Variants in QTMAN observed in about 807,000 individuals in gnomAD.
QTMAN encodes queuosine-tRNA mannosyltransferase.
the QTMAN span, among the ~76,000 whole-genome samples, chr2:144,140,869 T>C: frequency 6.6e-6 from 1 of 152,070 alleles, no homozygotes; most frequent in Non-Finnish European, 1.5e-5. Context: ...AATTTTATGA[T>C]TCACTAACTT....
the QTMAN span, among the ~76,000 whole-genome samples, chr2:143,958,782 CTTTTTTTTTTTT>C: frequency 8.8e-6 from 1 of 113,368 alleles, no homozygotes; most frequent in Non-Finnish European, 1.9e-5. Context: ...TTCTTTCTTT[CTTTTTTTTTTTT>C]TTTTTTTTTA....
At chr2:144,182,348 A>G in the QTMAN span, among the ~76,000 whole-genome samples, 9 of 152,012 alleles carry the variant, frequency 5.9e-5, no homozygotes, top group Admixed American at 3.3e-4. Context: ...TCTTTAGAAT[A>G]CCTTAGAAGT....
At chr2:144,292,799 T>A in the QTMAN span, among the ~76,000 whole-genome samples, 1 of 152,316 alleles carries the variant, frequency 6.6e-6, no homozygotes, top group Middle Eastern at 3.4e-3. Context: ...ATGTCTGATT[T>A]ATGGGGAATA....
chr2:144,326,084 C>T, the QTMAN span, among the ~76,000 whole-genome samples: 1 of 152,100 alleles, frequency 6.6e-6, no homozygotes, highest in East Asian at 1.9e-4. Flanking sequence ...TATACAATTA[C>T]TAATGAACAA....
the QTMAN span, among the ~76,000 whole-genome samples, chr2:144,022,438 T>A: frequency 1.1e-4 from 17 of 151,242 alleles, no homozygotes; most frequent in African/African-American, 1.9e-4. Context: ...TGCAGATTCA[T>A]GCCACTATGC....
At chr2:143,972,366 C>T in the QTMAN span, among the ~76,000 whole-genome samples, 4 of 151,912 alleles carry the variant, frequency 2.6e-5, no homozygotes, top group Non-Finnish European at 5.9e-5. Flanking sequence ...CCATTCAGTT[C>T]TCTAAATTTT....
At chr2:143,950,717 C>G in the QTMAN span, among the ~76,000 whole-genome samples, 1 of 151,516 alleles carries the variant, frequency 6.6e-6, no homozygotes, top group African/African-American at 2.4e-5. Context: ...ACATGGGAAA[C>G]TATTTGATTG....
the QTMAN span, among the ~76,000 whole-genome samples, chr2:144,303,107 C>CA: frequency 6.8e-5 from 10 of 148,076 alleles, no homozygotes; most frequent in South Asian, 6.4e-4. Flanking sequence ...AACTCATCTC[C>CA]AAAAAAAAAG....
At chr2:144,209,122 C>T in the QTMAN span, among the ~76,000 whole-genome samples, 1 of 152,234 alleles carries the variant, frequency 6.6e-6, no homozygotes, top group Non-Finnish European at 1.5e-5. Context: ...TGATCACTCA[C>T]TTCCTGGTTT....
the QTMAN span, among the ~76,000 whole-genome samples, chr2:144,146,183 T>C: frequency 6.0e-5 from 9 of 149,516 alleles, no homozygotes; most frequent in Non-Finnish European, 8.9e-5. Context: ...ATGGCACATG[T>C]TCATGTTATG....
At chr2:144,010,721 T>C in the QTMAN span, among the ~76,000 whole-genome samples, 1 of 152,024 alleles carries the variant, frequency 6.6e-6, no homozygotes, top group Non-Finnish European at 1.5e-5. Flanking sequence ...ATTAAGGCAA[T>C]GGAAGAATTG....
chr2:144,323,565 T>C, the QTMAN span, among the ~76,000 whole-genome samples: 1 of 152,302 alleles, frequency 6.6e-6, no homozygotes, highest in East Asian at 1.9e-4. Context: ...ACTATGATAA[T>C]GGTTTTTACC....
At chr2:144,263,998 T>A in the QTMAN span, among the ~76,000 whole-genome samples, 2 of 151,908 alleles carry the variant, frequency 1.3e-5, no homozygotes, top group Non-Finnish European at 2.9e-5. Flanking sequence ...AAAGATACAC[T>A]ATATAATAAA....
the QTMAN span, among the ~76,000 whole-genome samples, chr2:143,973,292 T>C: frequency 6.6e-6 from 1 of 152,088 alleles, no homozygotes; most frequent in African/African-American, 2.4e-5. Context: ...GAAGGGGGAA[T>C]TGGACCAAAA....
At chr2:143,962,996 A>G in the QTMAN span, among the ~76,000 whole-genome samples, 1 of 152,128 alleles carries the variant, frequency 6.6e-6, no homozygotes, top group Non-Finnish European at 1.5e-5. Context: ...TTGTATTTAT[A>G]TGTACTTCAT....
chr2:144,104,340 G>C, the QTMAN span, among the ~76,000 whole-genome samples: 3 of 152,210 alleles, frequency 2.0e-5, no homozygotes, highest in Non-Finnish European at 4.4e-5. Context: ...CAAGGGGTCA[G>C]GGAATTCCCT....
chr2:144,125,198 C>T, the QTMAN span, among the ~76,000 whole-genome samples: 8 of 151,978 alleles, frequency 5.3e-5, no homozygotes, highest in African/African-American at 1.9e-4. Flanking sequence ...CCTATCATCC[C>T]CGAGTTAGTA....
the QTMAN span, among the ~76,000 whole-genome samples, chr2:144,077,745 G>A: frequency 6.6e-6 from 1 of 152,234 alleles, no homozygotes; most frequent in East Asian, 1.9e-4. Context: ...GCTCTGTCCT[G>A]GCTGTTGTAT....
the QTMAN span, among the ~76,000 whole-genome samples, chr2:144,184,851 A>C: frequency 6.6e-6 from 1 of 152,126 alleles, no homozygotes; most frequent in Admixed American, 6.6e-5. Flanking sequence ...TAAATAAGTA[A>C]ATTTTAAAAA....
Sources: gnomAD v4.1 joint callset for allele counts (sites outside exome capture counted in the v4.1 genomes callset) on GRCh38, gnomAD v4.1.1 for gene constraint, MANE v1.5 for transcripts, NCBI Gene and HGNC (gene_info 2026-07-23, HGNC 2026-07-21) for gene names.